Variants in CCNY observed in about 807,000 individuals in gnomAD.
The protein encoded by CCNY is cyclin-Y.
A neutral mutation model predicts 42.8 loss-of-function variants in CCNY; 19 were observed. The ratio of observed to expected loss-of-function variants is 0.44; its 90% CI spans 0.31 to 0.65. The LOEUF (loss-of-function observed/expected upper bound fraction) is 0.65, where lower values mean the gene tolerates loss of function less well. Among genes scored for constraint, CCNY ranks in the 30% least tolerant of loss-of-function variants. The pLI, the probability that CCNY is intolerant of heterozygous loss-of-function variation, is 0.07. For synonymous variants in CCNY, 165 were observed against 162.7 expected, an observed-to-expected ratio of 1.01 and a Z score of -0.11; for missense variants, 370 against 437.3, an observed-to-expected ratio of 0.85 and a Z score of 1.37.
chr10:35,378,723 C>G (rs538618366), intron 1 of CCNY, among the ~76,000 whole-genome samples: 2 of 151,946 alleles, frequency 1.3e-5, no homozygotes. Flanking sequence ...CTGCCCCGTT[C>G]GATCCTTACC....
intron 1 of CCNY, among the ~76,000 whole-genome samples, chr10:35,465,938 A>AGAGAGAGAGAGAGAGAGAGTGTGTGTGT: frequency 2.1e-4 from 17 of 80,952 alleles, no homozygotes; most frequent in African/African-American, 7.0e-4. Context: ...AGAGAGAGAG[A>AGAGAGAGAGAGAGAGAGAGTGTGTGTGT]GTGTGTGTGT....
chr10:35,518,044 G>A (rs919865762), intron 4 of CCNY, among the ~76,000 whole-genome samples: 10 of 152,170 alleles, frequency 6.6e-5, no homozygotes, highest in Non-Finnish European at 1.3e-4. Context: ...TGGAAGCCAG[G>A]GCAGAGTAGC....
chr10:35,438,190 C>T (rs937765647), intron 1 of CCNY, among the ~76,000 whole-genome samples: 1 of 150,922 alleles, frequency 6.6e-6, no homozygotes, highest in African/African-American at 2.4e-5. Context: ...TTTCTGTTTC[C>T]CAGGCTGGAG....
intron 1 of CCNY, among the ~76,000 whole-genome samples, chr10:35,345,952 G>A (rs1461809856): frequency 6.6e-6 from 1 of 152,166 alleles, no homozygotes; most frequent in Non-Finnish European, 1.5e-5. Context: ...TGGGGTAATG[G>A]AACCCACCCA....
chr10:35,419,617 G>C (rs377317253), intron 1 of CCNY, among the ~76,000 whole-genome samples: 1 of 151,380 alleles, frequency 6.6e-6, no homozygotes, highest in East Asian at 1.9e-4. Context: ...CTAATTTGGA[G>C]ATAATTCAAA....
At chr10:35,398,993 A>C (rs1013114819) in intron 1 of CCNY, among the ~76,000 whole-genome samples, 12 of 152,190 alleles carry the variant, frequency 7.9e-5, no homozygotes, top group African/African-American at 2.9e-4. Flanking sequence ...TCAGCTTGGT[A>C]TGTCAGTCCC....
intron 1 of CCNY, among the ~76,000 whole-genome samples, chr10:35,447,348 A>G (rs1838815363): frequency 6.6e-6 from 1 of 152,248 alleles, no homozygotes; most frequent in Non-Finnish European, 1.5e-5. Flanking sequence ...GGACTTTCAA[A>G]TGTAATCATG....
At chr10:35,305,525 A>G (rs918200182) in intron 3 of CCNY, among the ~76,000 whole-genome samples, 1 of 152,198 alleles carries the variant, frequency 6.6e-6, no homozygotes, top group Non-Finnish European at 1.5e-5. Context: ...TCACAGCAGC[A>G]TCTGGGGGCA....
chr10:35,271,354 A>T (rs1240213053), intron 3 of CCNY, among the ~76,000 whole-genome samples: 1 of 152,078 alleles, frequency 6.6e-6, no homozygotes, highest in Non-Finnish European at 1.5e-5. Context: ...AGAGTTAAAA[A>T]CTTCAGGGGG....
chr10:35,561,042 CAG>C (rs1491040637), intron 8 of CCNY, among the ~76,000 whole-genome samples: 1 of 152,194 alleles, frequency 6.6e-6, no homozygotes, highest in Non-Finnish European at 1.5e-5. Context: ...GCCTGTAGAA[CAG>C]GGGCCTGGAC....
chr10:35,291,772 T>A (rs894556656), intron 3 of CCNY, among the ~76,000 whole-genome samples: 1 of 152,074 alleles, frequency 6.6e-6, no homozygotes. Context: ...CCTGACCTCA[T>A]GATCCACTGG....
At chr10:35,395,905 C>T (rs898274990) in intron 1 of CCNY, among the ~76,000 whole-genome samples, 5 of 151,996 alleles carry the variant, frequency 3.3e-5, no homozygotes, top group Non-Finnish European at 5.9e-5. Flanking sequence ...TCACCCTTTG[C>T]GGAGGTTTTA....
At chr10:35,436,445 G>A (rs1411923035) in intron 1 of CCNY, among the ~76,000 whole-genome samples, 1 of 152,182 alleles carries the variant, frequency 6.6e-6, no homozygotes, top group African/African-American at 2.4e-5. Context: ...TGGTTGAAGG[G>A]TTTCCAGTTA....
In CCNY at chr10:35,530,083, C is replaced by T. The variant is rs758070750; in HGVS notation, c.460-41C>T. ...TGATTTAATTATTTCTCTTTTGCTC[C>T]AATCGGGAGATCAGTCATCTGAAAA... On this transcript the variant is annotated intron_variant, in intron 6 of 9. Coordinates refer to ENST00000374704, the MANE Select transcript of CCNY (RefSeq NM_145012.6). The surrounding 1 kb of genome is among the most constrained non-coding windows in gnomAD (Gnocchi z 4.3). 4 of 1,614,088 alleles carry T rather than the reference C, an allele frequency of 2.5e-6. No homozygotes were observed. In the East Asian group the frequency reaches 6.7e-5, roughly 27 times the overall value.
chr10:35,553,277 G>A (rs933426919), intron 8 of CCNY, 92 bp downstream of exon 8: 103 of 1,260,738 alleles, frequency 8.2e-5, no homozygotes, highest in South Asian at 2.3e-4. Context: ...TCTGTATAGC[G>A]CAGAATGCAT....
At chr10:35,451,199 A>G (rs1838907822) in intron 1 of CCNY, among the ~76,000 whole-genome samples, 1 of 152,220 alleles carries the variant, frequency 6.6e-6, no homozygotes, top group Admixed American at 6.5e-5. Context: ...GTTTATATAA[A>G]TTGTGAAATC....
chr10:35,259,892 C>CTTT (rs34394998), intron 3 of CCNY, among the ~76,000 whole-genome samples: 1 of 145,864 alleles, frequency 6.9e-6, no homozygotes, highest in Non-Finnish European at 1.5e-5. Context: ...AAACAACATA[C>CTTT]TTTTTTTTTT....
intron 1 of CCNY, among the ~76,000 whole-genome samples, chr10:35,432,289 T>C (rs755925284): frequency 1.3e-5 from 2 of 152,228 alleles, no homozygotes; most frequent in Non-Finnish European, 2.9e-5. Context: ...GATAGCTACC[T>C]CTTAATGTGG....
At chr10:35,552,233 G>A (rs1841273498) in intron 7 of CCNY, among the ~76,000 whole-genome samples, 1 of 152,164 alleles carries the variant, frequency 6.6e-6, no homozygotes, top group African/African-American at 2.4e-5. Context: ...GGTGAACCTT[G>A]AGGTCATTAT....
Sources: allele counts gnomAD v4.1 joint callset (sites outside exome capture counted in the v4.1 genomes callset), GRCh38; gene constraint gnomAD v4.1.1; non-coding constraint Gnocchi (gnomAD v3.1); transcripts MANE v1.5; gene names NCBI Gene and HGNC (gene_info 2026-07-23, HGNC 2026-07-21).